Variants in CNTNAP2 observed in about 807,000 individuals in gnomAD.
The protein encoded by CNTNAP2 is contactin-associated protein-like 2.
A neutral mutation model predicts 155.2 loss-of-function variants in CNTNAP2; 98 were observed. The observed-to-expected ratio is 0.63, with a 90% confidence interval of 0.54 to 0.75. The LOEUF is 0.75. CNTNAP2 is among the 30% of genes least tolerant of loss of function. The probability of loss-of-function intolerance (pLI) is 0.00; values close to 1 mark genes in which losing one functional copy is unlikely to be tolerated. For synonymous variants in CNTNAP2, 651 were observed against 631.2 expected, an observed-to-expected ratio of 1.03 and a Z score of -0.47; for missense variants, 1,727 against 1,688.1, an observed-to-expected ratio of 1.02 and a Z score of -0.40.
chr7:147,632,012 A>G (rs2116911566), intron 12 of CNTNAP2, among the ~76,000 whole-genome samples: 1 of 152,350 alleles, frequency 6.6e-6, no homozygotes, highest in Middle Eastern at 3.4e-3. Context: ...GCTTCTGCAC[A>G]GCAAAAGAAA....
intron 8 of CNTNAP2, among the ~76,000 whole-genome samples, chr7:147,283,527 A>C (rs982751645): frequency 1.3e-5 from 2 of 151,942 alleles, no homozygotes; most frequent in African/African-American, 2.4e-5. Context: ...TTATCTGTGG[A>C]TCTAGCTAAT....
chr7:146,794,349 A>C (rs1452087627), intron 2 of CNTNAP2, among the ~76,000 whole-genome samples: 1 of 152,220 alleles, frequency 6.6e-6, no homozygotes, highest in Non-Finnish European at 1.5e-5. Flanking sequence ...AATTTCTATT[A>C]TGTTTAGAGG....
At chr7:147,288,219 A>G (rs1207576052) in intron 8 of CNTNAP2, among the ~76,000 whole-genome samples, 1 of 152,098 alleles carries the variant, frequency 6.6e-6, no homozygotes, top group Non-Finnish European at 1.5e-5. Flanking sequence ...TCTCTGTTTT[A>G]GTTATTTTAT....
At position 146,969,049 on chromosome 7, in the gene CNTNAP2, T is replaced by G. The variant is rs767004539; in HGVS notation, c.403-74858T>G. 4.9e-3 allele frequency among the ~76,000 whole-genome samples: 741 copies of G among 150,726 alleles called. 2 individuals are homozygous for G. The highest frequency in any genetic ancestry group is 7.0e-3 in the Non-Finnish European group (474 of 67,800). On this transcript the variant is annotated intron_variant, in intron 3 of 23. Coordinates refer to ENST00000361727, the MANE Select transcript of CNTNAP2 (RefSeq NM_014141.6). ...TGGTTTCAAAGAACATCTTTATTTC[T>G]GCCTTCATTTCGTTATGTACCCAGT... is the stretch of plus-strand genomic sequence containing the variant.
chr7:146,505,982 T>C (rs1797378435), intron 1 of CNTNAP2, among the ~76,000 whole-genome samples: 1 of 152,168 alleles, frequency 6.6e-6, no homozygotes, highest in South Asian at 2.1e-4. Context: ...CTTATATCAC[T>C]CAATAATACC....
Position 146,881,594 on chromosome 7 carries a change from A to T in CNTNAP2, c.402+41690A>T, listed in dbSNP as rs958631741. Among the ~76,000 whole-genome samples the T allele has an allele frequency of 2.0e-5, 3 of 151,968 alleles. No homozygotes were observed. In the East Asian group the frequency reaches 5.8e-4, roughly 29 times the overall value. On this transcript the variant is annotated intron_variant, in intron 3 of 23. Coordinates refer to ENST00000361727, the MANE Select transcript of CNTNAP2 (RefSeq NM_014141.6). ...ATTGGTTATGTTTTGCTAAAAATGGATGTTTTCTGAAAACATGAAAAATTT... is the reference window on the plus strand; with the variant it reads ...ATTGGTTATGTTTTGCTAAAAATGGTTGTTTTCTGAAAACATGAAAAATTT...
At chr7:148,049,626 T>C (rs60157117) in intron 15 of CNTNAP2, among the ~76,000 whole-genome samples, 9 of 152,290 alleles carry the variant, frequency 5.9e-5, no homozygotes, top group Admixed American at 5.2e-4. Flanking sequence ...ACATTTCCTA[T>C]GCCTAGTAAC....
chr7:146,224,604 A>G (rs950778797), intron 1 of CNTNAP2, among the ~76,000 whole-genome samples: 8 of 137,160 alleles, frequency 5.8e-5, no homozygotes, highest in African/African-American at 1.9e-4. Flanking sequence ...AAAAAAAAAA[A>G]GTAGTAATAA....
At chr7:146,127,695 G>T (rs1008453106) in intron 1 of CNTNAP2, among the ~76,000 whole-genome samples, 3 of 152,048 alleles carry the variant, frequency 2.0e-5, no homozygotes, top group African/African-American at 7.2e-5. Flanking sequence ...ATTATCTGAA[G>T]AATTATTTGT....
chr7:147,341,813 C>T (rs1391566384), intron 9 of CNTNAP2, among the ~76,000 whole-genome samples: 1 of 151,262 alleles, frequency 6.6e-6, no homozygotes, highest in African/African-American at 2.4e-5. Context: ...AATGCTACAA[C>T]ACATCTAAAT....
chr7:148,030,532 A>AC (rs35549948), intron 15 of CNTNAP2, among the ~76,000 whole-genome samples: 1 of 151,904 alleles, frequency 6.6e-6, no homozygotes, highest in Non-Finnish European at 1.5e-5. Flanking sequence ...TGTCATTAAA[A>AC]AAGAATCAGA....
intron 15 of CNTNAP2, among the ~76,000 whole-genome samples, chr7:148,053,591 A>G (rs1019089857): frequency 1.3e-5 from 2 of 152,218 alleles, no homozygotes; most frequent in African/African-American, 4.8e-5. Context: ...AGTACGATAA[A>G]TATTTTCACC....
At chr7:146,181,577 A>G (rs1360943540) in intron 1 of CNTNAP2, among the ~76,000 whole-genome samples, 1 of 152,168 alleles carries the variant, frequency 6.6e-6, no homozygotes, top group Non-Finnish European at 1.5e-5. Context: ...TTCTCTAAAA[A>G]TAGGACTAGG....
At chr7:146,208,652 C>T (rs889601609) in intron 1 of CNTNAP2, 5 of 151,068 alleles carry the variant, frequency 3.3e-5, no homozygotes. Context: ...GGGCCCATTG[C>T]CAGACTTTTG....
chr7:146,458,913 A>G (rs1164659620), intron 1 of CNTNAP2, among the ~76,000 whole-genome samples: 1 of 152,040 alleles, frequency 6.6e-6, no homozygotes, highest in East Asian at 1.9e-4. Flanking sequence ...TAATATGTGT[A>G]TTTCTCTCTA....
At position 147,873,077 on chromosome 7, in the gene CNTNAP2, A is replaced by G. The variant is rs2710142; in HGVS notation, c.2099-30488A>G. 5.1e-3 allele frequency among the ~76,000 whole-genome samples: 778 copies of G among 152,352 alleles called. 4 individuals carry two copies. The highest frequency in any genetic ancestry group is 0.018 in the African/African-American group (746 of 41,582). On this transcript the variant is annotated intron_variant, in intron 13 of 23. Transcript: ENST00000361727. ...ATGTTAATTGATTGTACTTATACAT[A>G]ATAAAAGCTAACATTTTAAATCTAT... is the stretch of plus-strand genomic sequence containing the variant.
At chr7:147,955,034 G>A (rs993586141) in intron 14 of CNTNAP2, among the ~76,000 whole-genome samples, 7 of 152,284 alleles carry the variant, frequency 4.6e-5, no homozygotes, top group South Asian at 4.1e-4. Context: ...TTGAGCCACC[G>A]ACACTGAATT....
chr7:146,361,388 A>C (rs1053247721), intron 1 of CNTNAP2, among the ~76,000 whole-genome samples: 2 of 152,154 alleles, frequency 1.3e-5, no homozygotes, highest in Non-Finnish European at 2.9e-5. Flanking sequence ...CCCCACGTGT[A>C]CCAAGGGACT....
At chr7:146,799,459 T>A (rs1247751662) in intron 2 of CNTNAP2, among the ~76,000 whole-genome samples, 1 of 152,246 alleles carries the variant, frequency 6.6e-6, no homozygotes, top group Admixed American at 6.5e-5. Flanking sequence ...AAAGATAATT[T>A]TCATCTGCAG....
Sources: allele counts gnomAD v4.1 joint callset (sites outside exome capture counted in the v4.1 genomes callset), GRCh38; gene constraint gnomAD v4.1.1; transcripts MANE v1.5; gene names NCBI Gene and HGNC (gene_info 2026-07-23, HGNC 2026-07-21).